Variants in TAOK1 observed in about 807,000 individuals in gnomAD.
TAOK1 encodes the protein TAO kinase 1.
Under a neutral mutation model 138.3 loss-of-function variants are expected in TAOK1, and 21 were observed. That is an observed-to-expected ratio of 0.15 (90% CI 0.11 to 0.22). The LOEUF (loss-of-function observed/expected upper bound fraction) is 0.22. TAOK1 is among the 10% of genes least tolerant of loss of function. The pLI is 1.00. For missense variants in TAOK1, 651 were observed against 1,227.7 expected (o/e 0.53, Z 7.02); for synonymous variants, 361 against 398.4 (o/e 0.91, Z 1.12).
chr17:29,536,690 GTCAT>G (rs1291871310), intron 19 of TAOK1, among the ~76,000 whole-genome samples: 1 of 146,048 alleles, frequency 6.8e-6, no homozygotes, highest in African/African-American at 2.5e-5. Context: ...CTAAATCCAT[GTCAT>G]TCAAACTTTT....
intron 17 of TAOK1, among the ~76,000 whole-genome samples, chr17:29,528,296 C>T (rs1246026721): frequency 6.6e-6 from 1 of 152,118 alleles, no homozygotes; most frequent in Non-Finnish European, 1.5e-5. Context: ...GATCTGGCCA[C>T]CTCAGCCTCC....
At chr17:29,482,168 C>A (rs758182860) in intron 7 of TAOK1, 29 bp from the exon 8 acceptor site, 6 of 1,538,554 alleles carry the variant, frequency 3.9e-6, no homozygotes, top group Non-Finnish European at 5.3e-6. Context: ...TAAAAAAAAT[C>A]TTTAATTTAA....
chr17:29,409,308 C>CATATATATATATATATATATATAT (rs1183993280), intron 1 of TAOK1, among the ~76,000 whole-genome samples: 1 of 79,494 alleles, frequency 1.3e-5, no homozygotes, highest in African/African-American at 5.7e-5. Flanking sequence ...TTTTTATGGA[C>CATATATATATATATATATATATAT]ATATATATAT....
At chr17:29,521,577 T>C (rs1038052096) in intron 16 of TAOK1, among the ~76,000 whole-genome samples, 2 of 152,202 alleles carry the variant, frequency 1.3e-5, no homozygotes, top group African/African-American at 2.4e-5. Context: ...TATAGCTCTC[T>C]AGTGTCCATG....
intron 2 of TAOK1, among the ~76,000 whole-genome samples, chr17:29,453,439 C>T (rs771055131): frequency 3.5e-4 from 54 of 152,176 alleles, no homozygotes; most frequent in Non-Finnish European, 4.3e-4. Context: ...TAAGTAGAGA[C>T]GGGGTTTTGC....
At chr17:29,539,784 G>A (rs924919697) in intron 19 of TAOK1, among the ~76,000 whole-genome samples, 1 of 152,038 alleles carries the variant, frequency 6.6e-6, no homozygotes, top group African/African-American at 2.4e-5. Flanking sequence ...GGAGGATAAG[G>A]TGGGAGGATA....
intron 1 of TAOK1, among the ~76,000 whole-genome samples, chr17:29,412,343 G>A (rs535927980): frequency 3.9e-5 from 6 of 152,062 alleles, no homozygotes; most frequent in Non-Finnish European, 8.8e-5. Context: ...ATGCCCAGCC[G>A]ATACAGCCTA....
At chr17:29,454,770 C>T (rs1050562029) in intron 2 of TAOK1, among the ~76,000 whole-genome samples, 8 of 151,706 alleles carry the variant, frequency 5.3e-5, no homozygotes, top group South Asian at 2.1e-4. Context: ...GGTGCGATCT[C>T]GGCTCACTGC....
chr17:29,400,391 A>AG (rs72437152), intron 1 of TAOK1, among the ~76,000 whole-genome samples: 2 of 76,278 alleles, frequency 2.6e-5, no homozygotes, highest in African/African-American at 1.2e-4. Flanking sequence ...ACTCCGTCTC[A>AG]AAAAAAAAAA....
At chr17:29,393,261 G>A (rs1567705183) in intron 1 of TAOK1, among the ~76,000 whole-genome samples, 2 of 152,030 alleles carry the variant, frequency 1.3e-5, no homozygotes, top group African/African-American at 2.4e-5. Context: ...TTTTACCTTG[G>A]GAAGTTGTAG....
In TAOK1 at chr17:29,390,840, C is replaced by G. The variant is rs1376459155; in HGVS notation, c.-279C>G. The G allele has an allele frequency of 6.6e-6, 1 of 151,516 alleles. No homozygotes were observed. The highest frequency in any genetic ancestry group is 6.6e-5 in the Admixed American group (1 of 15,232). The allele number at this position is 151,516 out of a possible 1,614,324, so 9.4% of individuals were successfully genotyped here. On this transcript the variant is annotated 5_prime_UTR_variant, in exon 1 of 20. Transcript: ENST00000261716. ...GTCCCCTCGCCCCCCCCCCCACCCC[C>G]CGCCGCCGCCGCCCCTTGTTGCAGA...
rs899217357 is a variant in TAOK1, at chr17:29,437,041, G to A, written c.-94-14414G>A. Among the ~76,000 whole-genome samples the A allele has an allele frequency of 6.8e-5, 6 of 88,620 alleles. No homozygotes were observed. In the East Asian group the frequency reaches 7.0e-3, roughly 103 times the overall value. 58.1% of individuals were successfully genotyped at this position (88,620 alleles called of 152,430 possible). ...AAAATGATGACTCAAAAAGTTTAAA[G>A]AAGAAAAAAACCTTTTTTGTTTGTT... is the stretch of plus-strand genomic sequence containing the variant. On this transcript the variant is annotated intron_variant, in intron 1 of 19. Transcript: ENST00000261716.
chr17:29,445,136 G>A (rs1192898082), intron 1 of TAOK1, among the ~76,000 whole-genome samples: 1 of 152,056 alleles, frequency 6.6e-6, no homozygotes, highest in African/African-American at 2.4e-5. Flanking sequence ...TAATTTTTGT[G>A]GGTACATAGT....
At chr17:29,482,133 C>T (rs929393352) in intron 7 of TAOK1, 64 bp from the exon 8 acceptor site, 31 of 1,212,898 alleles carry the variant, frequency 2.6e-5, no homozygotes, top group Non-Finnish European at 3.4e-5. Flanking sequence ...ATGACTGTTA[C>T]ATTCTCAAAG....
intron 11 of TAOK1, among the ~76,000 whole-genome samples, chr17:29,498,031 A>G (rs2031446908): frequency 1.3e-5 from 2 of 152,186 alleles, no homozygotes. Context: ...ATATCAAGCA[A>G]TTTAGATAAA....
rs756622401 is a variant in TAOK1 at position 29,510,840 on chromosome 17, A to G, written c.1576-24A>G. The G allele has an allele frequency of 7.8e-6, 12 of 1,533,236 alleles. No individual in the cohort carries two copies. In the African/African-American group the frequency reaches 9.8e-5, roughly 13 times the overall value. 95.0% of individuals were successfully genotyped at this position (1,533,236 alleles called of 1,614,324 possible). ...TACTTTATCTACTTAACTAAATTTG[A>G]TTCATTTTTTAAACTTCATATAGGC... On this transcript the variant is annotated intron_variant, in intron 14 of 19. Transcript: ENST00000261716.
At chr17:29,485,650 TAATTA>T (rs150665349) in intron 8 of TAOK1, among the ~76,000 whole-genome samples, 24,121 of 151,834 alleles carry the variant, frequency 0.16, 2,016 homozygotes, top group Admixed American at 0.21. Flanking sequence ...ACAAACAAAT[TAATTA>T]AATTAAAATA....
chr17:29,499,440 C>T (rs548670455), intron 12 of TAOK1, among the ~76,000 whole-genome samples: 1 of 151,810 alleles, frequency 6.6e-6, no homozygotes, highest in East Asian at 1.9e-4. Context: ...CCATGTTGGC[C>T]AGGCTAGTCT....
chr17:29,397,639 CATGTATAT>C (rs1156421978), intron 1 of TAOK1, among the ~76,000 whole-genome samples: 1 of 138,680 alleles, frequency 7.2e-6, no homozygotes, highest in Non-Finnish European at 1.5e-5. Flanking sequence ...TACATGTATA[CATGTATAT>C]ATGTATATTC....
Sources: gnomAD v4.1 joint callset for allele counts (sites outside exome capture counted in the v4.1 genomes callset) on GRCh38, gnomAD v4.1.1 for gene constraint, MANE v1.5 for transcripts, NCBI Gene and HGNC (gene_info 2026-07-23, HGNC 2026-07-21) for gene names.